Variants in ZNF385D observed in about 807,000 individuals in gnomAD.
ZNF385D encodes zinc finger protein 659.
Under a neutral mutation model 35.8 loss-of-function variants are expected in ZNF385D, and 15 were observed. That is an observed-to-expected ratio of 0.42 (90% CI 0.28 to 0.64). The LOEUF (loss-of-function observed/expected upper bound fraction) is 0.64, where lower values mean the gene tolerates loss of function less well. Among genes scored for constraint, ZNF385D ranks in the 30% least tolerant of loss-of-function variants. The probability of loss-of-function intolerance (pLI) is 0.23; values close to 1 mark genes in which losing one functional copy is unlikely to be tolerated. For missense variants in ZNF385D, 474 were observed against 494.6 expected, an observed-to-expected ratio of 0.96 and a Z score of 0.39; for synonymous variants, 212 against 186.8, an observed-to-expected ratio of 1.13 and a Z score of -1.10.
intron 3 of ZNF385D, among the ~76,000 whole-genome samples, chr3:21,877,477 TAGTTATTTAA>T (rs1698040289): frequency 6.6e-6 from 1 of 152,080 alleles, no homozygotes; most frequent in African/African-American, 2.4e-5. Flanking sequence ...CACACTTTGG[TAGTTATTTAA>T]AGTTAATTAA....
intron 4 of ZNF385D, among the ~76,000 whole-genome samples, chr3:21,458,814 T>G (rs967931983): frequency 4.4e-3 from 239 of 53,996 alleles, no homozygotes; most frequent in African/African-American, 0.01. Flanking sequence ...TAATGCGGGG[T>G]GGGGGGGCGG....
intron 3 of ZNF385D, among the ~76,000 whole-genome samples, chr3:21,991,028 C>T (rs1354547489): frequency 2.0e-5 from 3 of 152,036 alleles, no homozygotes; most frequent in African/African-American, 7.2e-5. Flanking sequence ...TGGTTTGTTA[C>T]GGAGGTATAA....
chr3:21,557,564 G>A (rs925579638), intron 3 of ZNF385D, among the ~76,000 whole-genome samples: 34 of 152,068 alleles, frequency 2.2e-4, no homozygotes, highest in African/African-American at 6.8e-4. Context: ...GATTAGTTTC[G>A]CCAGTATTTT....
chr3:21,915,967 C>T (rs544664502), intron 3 of ZNF385D, among the ~76,000 whole-genome samples: 10 of 152,230 alleles, frequency 6.6e-5, no homozygotes, highest in African/African-American at 2.2e-4. Context: ...AAAATGGTTT[C>T]ATCAAATTCC....
intron 2 of ZNF385D, among the ~76,000 whole-genome samples, chr3:21,662,437 G>T (rs764070934): frequency 6.6e-6 from 1 of 152,120 alleles, no homozygotes; most frequent in African/African-American, 2.4e-5. Context: ...GATGAAATGG[G>T]CTCTCTTGAA....
intron 2 of ZNF385D, among the ~76,000 whole-genome samples, chr3:21,592,556 C>CAAA (rs2064010914): frequency 1.6e-5 from 1 of 60,652 alleles, no homozygotes. Flanking sequence ...AAAAAAAAAA[C>CAAA]CAAAAACAAA....
At chr3:21,863,691 A>G (rs760916012) in intron 3 of ZNF385D, among the ~76,000 whole-genome samples, 51 of 152,126 alleles carry the variant, frequency 3.4e-4, no homozygotes, top group Admixed American at 1.3e-4. Flanking sequence ...ATAATTTCGA[A>G]AAGAACAAGA....
At chr3:21,656,807 G>A (rs1322078760) in intron 2 of ZNF385D, among the ~76,000 whole-genome samples, 1 of 151,832 alleles carries the variant, frequency 6.6e-6, no homozygotes, top group Non-Finnish European at 1.5e-5. Flanking sequence ...GCATGTTGAA[G>A]AAAAAAATTA....
intron 3 of ZNF385D, among the ~76,000 whole-genome samples, chr3:22,027,519 C>G (rs986071366): frequency 1.3e-5 from 2 of 152,178 alleles, no homozygotes; most frequent in African/African-American, 4.8e-5. Context: ...CCATCTTCTG[C>G]AGATAACTAC....
Position 22,021,400 on chromosome 3 carries a change from T to C in ZNF385D, c.325+147417A>G, listed in dbSNP as rs558919116. Among the ~76,000 whole-genome samples the C allele has an allele frequency of 2.6e-5, 4 of 152,058 alleles. No homozygotes were observed. In the South Asian group the frequency reaches 6.2e-4, roughly 24 times the overall value. On this transcript the variant is annotated intron_variant, in intron 3 of 5. Coordinates refer to the ZNF385D transcript ENST00000494108. Reference sequence around the variant, plus strand: ...AATAGGCTTTCAGGCATTAGAAGGATAGAAACAAAGAATAGTGACCCTAAA... The same window carrying C: ...AATAGGCTTTCAGGCATTAGAAGGACAGAAACAAAGAATAGTGACCCTAAA...
intron 3 of ZNF385D, among the ~76,000 whole-genome samples, chr3:21,960,727 T>A (rs9828376): frequency 0.69 from 104,096 of 151,964 alleles, 36,810 homozygotes; most frequent in Non-Finnish European, 0.77. Flanking sequence ...AAATATGATA[T>A]ATATATACAC....
At chr3:21,827,160 G>A (rs996832043) in intron 3 of ZNF385D, among the ~76,000 whole-genome samples, 9 of 152,120 alleles carry the variant, frequency 5.9e-5, no homozygotes, top group Admixed American at 2.0e-4. Flanking sequence ...CACACTGAAA[G>A]TATTCAATAT....
chr3:22,080,772 G>A (rs1043140128), intron 3 of ZNF385D, among the ~76,000 whole-genome samples: 3 of 152,052 alleles, frequency 2.0e-5, no homozygotes, highest in African/African-American at 7.2e-5. Context: ...GATTATGAGG[G>A]TGGTGTCATT....
intron 4 of ZNF385D, among the ~76,000 whole-genome samples, chr3:21,489,004 T>A (rs914987501): frequency 1.3e-5 from 2 of 152,118 alleles, no homozygotes; most frequent in African/African-American, 4.8e-5. Flanking sequence ...TAGAGTCTAT[T>A]AATAAACTGA....
intron 2 of ZNF385D, among the ~76,000 whole-genome samples, chr3:22,177,890 A>T (rs557716923): frequency 4.4e-4 from 67 of 152,246 alleles, no homozygotes; most frequent in African/African-American, 1.6e-3. Flanking sequence ...AGCTTCATCC[A>T]ATGTCCCTAC....
Position 22,198,061 on chromosome 3 carries a change from T to C in ZNF385D, c.107-29026A>G, listed in dbSNP as rs182258780. On this transcript the variant is annotated intron_variant, in intron 2 of 5. Transcript: ENST00000494108. ...ACATATGTATTCATTAATTCTCATA[T>C]ACAATTTTTAAAGGAAAATAAAAGG... Among the ~76,000 whole-genome samples the C allele has an allele frequency of 1.2e-4, 19 of 152,206 alleles. 1 individual carries two copies. The East Asian group carries it at 3.7e-3, about 29-fold the overall frequency.
chr3:21,768,113 A>C (rs970801172), intron 3 of ZNF385D, among the ~76,000 whole-genome samples: 1 of 152,094 alleles, frequency 6.6e-6, no homozygotes, highest in Non-Finnish European at 1.5e-5. Flanking sequence ...GGATAGAGAC[A>C]CAAATGAATG....
intron 3 of ZNF385D, among the ~76,000 whole-genome samples, chr3:21,550,258 A>C (rs1212685803): frequency 6.6e-6 from 1 of 152,188 alleles, no homozygotes; most frequent in Non-Finnish European, 1.5e-5. Flanking sequence ...AATCCTGTGA[A>C]TAATACTGAT....
intron 1 of ZNF385D, among the ~76,000 whole-genome samples, chr3:21,750,007 C>T (rs1452652173): frequency 2.0e-5 from 3 of 152,310 alleles, no homozygotes; most frequent in South Asian, 2.1e-4. Context: ...CTTTTAATAT[C>T]GCATAGATGC....
Sources: gnomAD v4.1 joint callset for allele counts (sites outside exome capture counted in the v4.1 genomes callset) on GRCh38, gnomAD v4.1.1 for gene constraint, MANE v1.5 for transcripts, NCBI Gene and HGNC (gene_info 2026-07-23, HGNC 2026-07-21) for gene names.